NRCAM: variants seen among roughly 807,000 people sequenced by gnomAD.
NRCAM encodes the protein neuronal cell adhesion molecule.
NRCAM carries 83 observed loss-of-function variants against 156.5 expected under a neutral mutation model. That is an observed-to-expected ratio of 0.53 (90% CI 0.44 to 0.64). The LOEUF (loss-of-function observed/expected upper bound fraction) is 0.64. Among genes scored for constraint, NRCAM ranks in the 30% least tolerant of loss-of-function variants. The probability of loss-of-function intolerance (pLI) is 0.00; values close to 1 mark genes in which losing one functional copy is unlikely to be tolerated. For synonymous variants in NRCAM, 538 were observed against 563.9 expected (o/e 0.95, Z 0.65); for missense variants, 1,417 against 1,597.3 (o/e 0.89, Z 1.92).
chr7:108,348,952 A>G (rs1208615264), intron 2 of NRCAM, among the ~76,000 whole-genome samples: 1 of 150,964 alleles, frequency 6.6e-6, no homozygotes, highest in African/African-American at 2.4e-5. Context: ...GCAGCCAAGG[A>G]ATGTATGAGC....
chr7:108,443,992 A>C (rs541533419), intron 1 of NRCAM, among the ~76,000 whole-genome samples: 3 of 152,286 alleles, frequency 2.0e-5, no homozygotes, highest in African/African-American at 4.8e-5. Flanking sequence ...AGAGAGAGAG[A>C]TAGGGATACA....
At chr7:108,189,450 C>G (rs1587334094) in intron 20 of NRCAM, among the ~76,000 whole-genome samples, 195 bp downstream of exon 20, 1 of 152,272 alleles carries the variant, frequency 6.6e-6, no homozygotes, top group East Asian at 1.9e-4. Flanking sequence ...AAGGGGTGTC[C>G]TATTCTAGAA....
chr7:108,372,423 T>C (rs1201626014), intron 2 of NRCAM, among the ~76,000 whole-genome samples: 2 of 152,090 alleles, frequency 1.3e-5, no homozygotes, highest in Admixed American at 6.6e-5. Context: ...AAAGGCAACC[T>C]ATGGAATAGG....
intron 1 of NRCAM, among the ~76,000 whole-genome samples, chr7:108,403,351 AG>A (rs1360724881): frequency 6.6e-6 from 1 of 152,204 alleles, no homozygotes; most frequent in Non-Finnish European, 1.5e-5. Flanking sequence ...GAGTTAGACA[AG>A]AACACTATCT....
intron 2 of NRCAM, among the ~76,000 whole-genome samples, chr7:108,315,449 C>A (rs980678484): frequency 6.6e-6 from 1 of 152,202 alleles, no homozygotes; most frequent in East Asian, 1.9e-4. Flanking sequence ...AAGCCAAAAT[C>A]ATCTTGAAAC....
intron 11 of NRCAM, among the ~76,000 whole-genome samples, chr7:108,216,051 GT>G (rs1345772674): frequency 6.6e-6 from 1 of 152,168 alleles, no homozygotes; most frequent in Non-Finnish European, 1.5e-5. Context: ...GCTGGTTCTG[GT>G]TTTTCCTTTC....
At chr7:108,150,261 G>T in intron 32 of NRCAM, 114 bp from the exon 33 acceptor site, 2 of 837,118 alleles carry the variant, frequency 2.4e-6, no homozygotes, top group Non-Finnish European at 1.9e-6. Context: ...GGCTTCTCTG[G>T]CCAAATCTAA....
intron 6 of NRCAM, among the ~76,000 whole-genome samples, chr7:108,233,119 T>C (rs2094516063): frequency 6.6e-6 from 1 of 152,202 alleles, no homozygotes; most frequent in African/African-American, 2.4e-5. Flanking sequence ...ATTTTGAGAA[T>C]CCCTTGGGAG....
intron 1 of NRCAM, among the ~76,000 whole-genome samples, chr7:108,405,716 A>C (rs113925936): frequency 6.6e-6 from 1 of 152,216 alleles, no homozygotes; most frequent in Non-Finnish European, 1.5e-5. Flanking sequence ...TTAGAAAAGC[A>C]GTATCTTTAG....
chr7:108,276,875 G>A (rs186982453), intron 3 of NRCAM, among the ~76,000 whole-genome samples: 6,497 of 152,234 alleles, frequency 0.043, 182 homozygotes, highest in South Asian at 0.11. Flanking sequence ...GGCGGTACTG[G>A]TTGTTCATTT....
Position 108,210,998 on chromosome 7 carries a change from T to C in NRCAM, c.891-1393A>G, listed in dbSNP as rs545692747. 6.6e-5 allele frequency among the ~76,000 whole-genome samples: 10 copies of C among 152,324 alleles called. No individual in the cohort carries two copies. In the South Asian group the frequency reaches 2.1e-3, roughly 32 times the overall value. ...GAGCAGCATGTGGAGGCTTGCATCG[T>C]GAATTTTAGCTCCAGAATAACTGCA... On this transcript the variant is annotated intron_variant, in intron 11 of 32. Transcript: ENST00000379028.
chr7:108,226,136 A>T, intron 9 of NRCAM, 72 bp downstream of exon 9: 1 of 1,091,280 alleles, frequency 9.2e-7, no homozygotes, highest in South Asian at 1.6e-5. Context: ...TCAGTAGTAT[A>T]TAATAGTTTC....
At chr7:108,221,124 A>G (rs1476177149) in intron 11 of NRCAM, among the ~76,000 whole-genome samples, 1 of 152,256 alleles carries the variant, frequency 6.6e-6, no homozygotes, top group African/African-American at 2.4e-5. Context: ...GATCAGGGAA[A>G]TGCAAATCAA....
chr7:108,274,979 G>A (rs761392368), intron 3 of NRCAM, among the ~76,000 whole-genome samples: 19 of 152,128 alleles, frequency 1.2e-4, no homozygotes, highest in Non-Finnish European at 2.2e-4. Flanking sequence ...GGCCTTTTCT[G>A]TATCTATTGA....
At chr7:108,367,793 T>C (rs913675097) in intron 2 of NRCAM, among the ~76,000 whole-genome samples, 4 of 152,224 alleles carry the variant, frequency 2.6e-5, no homozygotes, top group African/African-American at 9.6e-5. Flanking sequence ...ATGTGTCATA[T>C]AAATAGTCAT....
chr7:108,184,467 CCAATGCTGTTCACTGCCATCACG>C lies in NRCAM; in HGVS notation c.2160_2182del (p.Val721GlufsTer9), dbSNP rs1324870011. The C allele has an allele frequency of 6.2e-7, 1 of 1,614,168 alleles. No individual in the cohort carries two copies. The highest frequency in any genetic ancestry group is 8.5e-7 in the Non-Finnish European group (1 of 1,180,036). On this transcript the variant is annotated frameshift_variant, in exon 21 of 33. Transcript: ENST00000379028. LOFTEE classifies it high-confidence loss of function. ...AGACGCCTCGCTGGGCAAGCTCTTCCCAATGCTGTTCACTGCCATCACGCGGAAGGAGTAGTTCACGTAAGGAG... is the reference window on the plus strand; with the variant it reads ...AGACGCCTCGCTGGGCAAGCTCTTCCCGGAAGGAGTAGTTCACGTAAGGAG...
intron 1 of NRCAM, among the ~76,000 whole-genome samples, chr7:108,427,326 T>C (rs1386365016): frequency 6.6e-6 from 1 of 152,172 alleles, no homozygotes. Context: ...ACTCCATGAG[T>C]TCCTAGAAAG....
intron 11 of NRCAM, among the ~76,000 whole-genome samples, chr7:108,222,407 C>T (rs2092573492): frequency 6.6e-6 from 1 of 152,050 alleles, no homozygotes; most frequent in Non-Finnish European, 1.5e-5. Context: ...CAAATACCAA[C>T]CATATTTTAG....
chr7:108,164,479 T>G (rs1017529133), intron 30 of NRCAM, among the ~76,000 whole-genome samples: 3 of 150,586 alleles, frequency 2.0e-5, no homozygotes, highest in African/African-American at 4.9e-5. Context: ...AGATCATGAA[T>G]GCAGAGTTTA....
Sources: allele counts gnomAD v4.1 joint callset (sites outside exome capture counted in the v4.1 genomes callset), GRCh38; gene constraint gnomAD v4.1.1; transcripts MANE v1.5; gene names NCBI Gene and HGNC (gene_info 2026-07-23, HGNC 2026-07-21).